The following UNC13C variants were observed in gnomAD, a reference collection of about 807,000 sequenced individuals.
UNC13C encodes the protein unc-13 homolog C.
A neutral mutation model predicts 245.4 loss-of-function variants in UNC13C; 174 were observed. The observed-to-expected ratio is 0.71, with a 90% CI of 0.63 to 0.80. The LOEUF is 0.80. UNC13C is among the 30% of genes least tolerant of loss of function. UNC13C has a pLI of 0.00. For missense variants in UNC13C, 2,829 were observed against 2,602.9 expected, an observed-to-expected ratio of 1.09 and a Z score of -1.89; for synonymous variants, 992 against 895.1, an observed-to-expected ratio of 1.11 and a Z score of -1.93.
intron 26 of UNC13C, among the ~76,000 whole-genome samples, chr15:54,539,337 T>C (rs1431632717): frequency 6.6e-6 from 1 of 151,876 alleles, no homozygotes; most frequent in Admixed American, 6.6e-5. Flanking sequence ...AGGATGTAGG[T>C]AGGGAAGTAG....
chr15:53,935,461 G>A, the UNC13C span, among the ~76,000 whole-genome samples: 1,083 of 152,226 alleles, frequency 7.1e-3, 10 homozygotes, highest in Middle Eastern at 0.01. Flanking sequence ...TAAAAATAAG[G>A]TAAAAAGCAG....
At chr15:54,218,674 G>A (rs116390979) in intron 4 of UNC13C, among the ~76,000 whole-genome samples, 30 of 151,958 alleles carry the variant, frequency 2.0e-4, no homozygotes, top group African/African-American at 7.2e-4. Flanking sequence ...ATATAAAAAT[G>A]ACATGCTTAG....
intron 26 of UNC13C, among the ~76,000 whole-genome samples, chr15:54,538,364 T>G (rs766764785): frequency 1.1e-4 from 17 of 152,094 alleles, no homozygotes; most frequent in Middle Eastern, 3.4e-3. Context: ...GATGAGGTTG[T>G]GTAGAAAAGG....
At chr15:53,877,926 T>C in the UNC13C span, among the ~76,000 whole-genome samples, 1 of 152,238 alleles carries the variant, frequency 6.6e-6, no homozygotes, top group African/African-American at 2.4e-5. Flanking sequence ...AATGGAATCA[T>C]ACAGTATGTT....
intron 17 of UNC13C, among the ~76,000 whole-genome samples, chr15:54,340,798 G>A (rs1439896345): frequency 6.6e-6 from 1 of 152,052 alleles, no homozygotes; most frequent in Non-Finnish European, 1.5e-5. Flanking sequence ...TGAATTTTAG[G>A]ACTGTTTTTT....
chr15:54,441,703 A>AT (rs77178188), intron 19 of UNC13C, among the ~76,000 whole-genome samples: 49 of 150,574 alleles, frequency 3.3e-4, no homozygotes, highest in Non-Finnish European at 5.6e-4. Flanking sequence ...GAATTTTAGG[A>AT]TTTTTTTTTT....
In UNC13C at chr15:54,014,171, C is replaced by T. The variant is rs372220649; in HGVS notation, c.1268C>T (p.Ser423Phe). ...GAAAGAAAAGAGAAAGGGATACCAT[C>T]CTCCCAGACATATGAGAGCATGGCT... ...IRERKEKGIP[S>F]SQTYESMAIK... The change falls in exon 2 of 33, where the codon TCC becomes TTC. Residue 423 changes from serine to phenylalanine, a missense_variant. Physicochemically the swap from Ser to Phe is radical, Grantham distance 155. Transcript: ENST00000260323. The T allele has an allele frequency of 4.5e-5, 72 of 1,613,738 alleles. 1 individual carries two copies. The South Asian group carries it at 7.1e-4, about 16-fold the overall frequency.
chr15:54,104,076 C>T (rs1047356147), intron 2 of UNC13C, among the ~76,000 whole-genome samples: 1 of 152,236 alleles, frequency 6.6e-6, no homozygotes, highest in Admixed American at 6.5e-5. Context: ...GTGTCGAGTC[C>T]TTTTCTTTCT....
chr15:53,860,102 C>T, the UNC13C span, among the ~76,000 whole-genome samples: 2 of 152,064 alleles, frequency 1.3e-5, no homozygotes, highest in East Asian at 3.9e-4. Context: ...ATTGATGACC[C>T]CTTGTTGACA....
the UNC13C span, among the ~76,000 whole-genome samples, chr15:53,926,123 T>G: frequency 3.9e-5 from 6 of 152,080 alleles, no homozygotes; most frequent in Non-Finnish European, 8.8e-5. Context: ...AGTTTTTGTT[T>G]TTTTTTTCAA....
At chr15:54,054,533 C>G (rs1402672043) in intron 2 of UNC13C, among the ~76,000 whole-genome samples, 1 of 151,994 alleles carries the variant, frequency 6.6e-6, no homozygotes, top group African/African-American at 2.4e-5. Context: ...ATTGCAGAAT[C>G]AAGAAGATAG....
intron 2 of UNC13C, among the ~76,000 whole-genome samples, chr15:54,081,497 A>C (rs1341040071): frequency 5.9e-5 from 9 of 152,120 alleles, no homozygotes; most frequent in Non-Finnish European, 1.2e-4. Flanking sequence ...TACTTAGGAT[A>C]GTTAAATTTT....
Position 54,237,709 on chromosome 15 carries a change from T to C in UNC13C, c.3228+19T>C, listed in dbSNP as rs368420525. The C allele has an allele frequency of 4.5e-6, 7 of 1,553,576 alleles. No homozygotes were observed. The African/African-American group carries it at 8.1e-5, about 18-fold the overall frequency. ...GGAACTGGTAAGTACTAGATATTGC[T>C]CATAATATCTAACTAGATATTGCTC... On this transcript the variant is annotated intron_variant, in intron 7 of 32. Transcript: ENST00000260323.
intron 2 of UNC13C, among the ~76,000 whole-genome samples, chr15:54,045,515 G>A (rs1422724962): frequency 6.6e-6 from 1 of 152,056 alleles, no homozygotes; most frequent in Non-Finnish European, 1.5e-5. Context: ...AACTGGAGGT[G>A]GAATTATTAC....
At chr15:54,271,403 C>T (rs1257492900) in intron 10 of UNC13C, among the ~76,000 whole-genome samples, 1 of 152,130 alleles carries the variant, frequency 6.6e-6, no homozygotes, top group African/African-American at 2.4e-5. Context: ...ATTTCACTTT[C>T]CTTTGCTACT....
the UNC13C span, among the ~76,000 whole-genome samples, chr15:53,863,783 A>G: frequency 1.3e-5 from 2 of 152,200 alleles, no homozygotes; most frequent in African/African-American, 2.4e-5. Flanking sequence ...CACCCTCACT[A>G]TTCCAGCATG....
At chr15:53,841,768 C>G in the UNC13C span, among the ~76,000 whole-genome samples, 2 of 152,130 alleles carry the variant, frequency 1.3e-5, no homozygotes, top group African/African-American at 2.4e-5. Context: ...TGGATTTGCA[C>G]TACTTGCCAG....
intron 4 of UNC13C, among the ~76,000 whole-genome samples, chr15:54,212,472 T>C (rs2034911630): frequency 6.6e-6 from 1 of 152,056 alleles, no homozygotes; most frequent in African/African-American, 2.4e-5. Context: ...AAATGACTGT[T>C]AAATTATGTA....
At chr15:54,157,073 G>A (rs2032780482) in intron 4 of UNC13C, among the ~76,000 whole-genome samples, 3 of 152,284 alleles carry the variant, frequency 2.0e-5, no homozygotes, top group African/African-American at 7.2e-5. Context: ...AAACTGCTGA[G>A]TTCCCCTCTC....
Sources: gnomAD v4.1 joint callset for allele counts (sites outside exome capture counted in the v4.1 genomes callset) on GRCh38, gnomAD v4.1.1 for gene constraint, MANE v1.5 for transcripts, NCBI Gene and HGNC (gene_info 2026-07-23, HGNC 2026-07-21) for gene names.